The following GALNTL6 variants were observed in gnomAD, a reference collection of about 807,000 sequenced individuals.
The protein encoded by GALNTL6 is polypeptide N-acetylgalactosaminyltransferase-like 6.
Under a neutral mutation model 73.7 loss-of-function variants are expected in GALNTL6, and 46 were observed. The ratio of observed to expected loss-of-function variants is 0.62; its 90% CI spans 0.49 to 0.80. The LOEUF (loss-of-function observed/expected upper bound fraction) is 0.80, where lower values mean the gene tolerates loss of function less well. Ranked by LOEUF, GALNTL6 falls within the 30% of genes least tolerant of loss-of-function variation. The probability of loss-of-function intolerance (pLI) is 0.00; values close to 1 mark genes in which losing one functional copy is unlikely to be tolerated. For missense variants in GALNTL6, 604 were observed against 755.0 expected (o/e 0.80, Z 2.34); for synonymous variants, 259 against 263.7 (o/e 0.98, Z 0.17).
intron 2 of GALNTL6, among the ~76,000 whole-genome samples, chr4:172,132,821 C>T (rs941927619): frequency 1.3e-5 from 2 of 152,162 alleles, no homozygotes; most frequent in East Asian, 3.8e-4. Context: ...GAATCTATCT[C>T]TCATAATATT....
At chr4:172,811,605 C>T (rs1484714618) in intron 6 of GALNTL6, among the ~76,000 whole-genome samples, 5 of 151,996 alleles carry the variant, frequency 3.3e-5, no homozygotes, top group Admixed American at 6.6e-5. Context: ...TAAGGCTTGC[C>T]CTGGTAAAAA....
Position 171,975,909 on chromosome 4 carries a change from T to C in GALNTL6, c.138+161191T>C, listed in dbSNP as rs146838007. 5.2e-3 allele frequency among the ~76,000 whole-genome samples: 790 copies of C among 150,878 alleles called. 8 individuals carry two copies. Among genetic ancestry groups the C allele is most frequent in the African/African-American group, 0.014 (580 of 41,492 alleles). On this transcript the variant is annotated intron_variant, in intron 2 of 12. Transcript: ENST00000506823. ...CAATTGACTTCATGCACAAAATGTA[T>C]GTGGAGTATATACAAGCGGCATTTT...
chr4:172,571,554 G>A (rs76932161), intron 5 of GALNTL6, among the ~76,000 whole-genome samples: 1,741 of 152,224 alleles, frequency 0.011, 27 homozygotes, highest in African/African-American at 0.039. Context: ...ACTATCGAAC[G>A]TATCAGAGGA....
intron 3 of GALNTL6, among the ~76,000 whole-genome samples, chr4:172,253,916 T>A (rs1196174433): frequency 6.6e-6 from 1 of 151,800 alleles, no homozygotes; most frequent in African/African-American, 2.4e-5. Flanking sequence ...GAAGAGCCCT[T>A]TAATTATTTG....
At chr4:172,424,097 T>C (rs1387914222) in intron 5 of GALNTL6, among the ~76,000 whole-genome samples, 1 of 152,110 alleles carries the variant, frequency 6.6e-6, no homozygotes, top group African/African-American at 2.4e-5. Flanking sequence ...TGTATATATA[T>C]ATGTCCAAAC....
intron 2 of GALNTL6, among the ~76,000 whole-genome samples, chr4:172,099,005 G>C (rs1447498871): frequency 6.6e-6 from 1 of 152,096 alleles, no homozygotes. Flanking sequence ...TTTATTGAGG[G>C]AATTTGGTCA....
At chr4:172,096,789 G>A (rs1226748902) in intron 2 of GALNTL6, among the ~76,000 whole-genome samples, 1 of 152,104 alleles carries the variant, frequency 6.6e-6, no homozygotes, top group Non-Finnish European at 1.5e-5. Context: ...TAACTGATAT[G>A]GATATCCTCT....
In GALNTL6 at chr4:171,906,587, C is replaced by T. The variant is rs185070806; in HGVS notation, c.138+91869C>T. ...GGTACAAGGAGGAACTGGTGCCATT[C>T]GTTCTGAAACTATTCCAATCAATAG... On this transcript the variant is annotated intron_variant, in intron 2 of 12. Transcript: ENST00000506823. Among the ~76,000 whole-genome samples the T allele has an allele frequency of 6.8e-4, 104 of 152,266 alleles. No individual in the cohort carries two copies. In the East Asian group the frequency reaches 9.5e-3, roughly 14 times the overall value.
chr4:172,487,239 CTT>C (rs1273780176), intron 5 of GALNTL6, among the ~76,000 whole-genome samples: 1 of 149,554 alleles, frequency 6.7e-6, no homozygotes, highest in African/African-American at 2.5e-5. Context: ...TCCTTCCTGT[CTT>C]TCTTTCTTTC....
intron 7 of GALNTL6, among the ~76,000 whole-genome samples, chr4:172,855,768 C>A (rs1744092684): frequency 6.6e-6 from 1 of 152,210 alleles, no homozygotes; most frequent in Non-Finnish European, 1.5e-5. Context: ...TTTTGCACAG[C>A]TGTTTCCCGA....
intron 7 of GALNTL6, among the ~76,000 whole-genome samples, chr4:172,868,480 T>C (rs946802424): frequency 6.6e-6 from 1 of 152,248 alleles, no homozygotes; most frequent in Non-Finnish European, 1.5e-5. Context: ...TCTGCCTTTT[T>C]ATAACAGAGA....
intron 5 of GALNTL6, among the ~76,000 whole-genome samples, chr4:172,670,500 G>C (rs1731915202): frequency 6.6e-6 from 1 of 151,816 alleles, no homozygotes; most frequent in South Asian, 2.1e-4. Flanking sequence ...GGTGTTGTTT[G>C]TTTTTTTCCT....
intron 5 of GALNTL6, among the ~76,000 whole-genome samples, chr4:172,501,056 G>A (rs1395411584): frequency 6.6e-6 from 1 of 152,188 alleles, no homozygotes; most frequent in East Asian, 1.9e-4. Flanking sequence ...CTACACATGT[G>A]ATAAAATTGG....
intron 5 of GALNTL6, among the ~76,000 whole-genome samples, chr4:172,556,288 T>C (rs750836637): frequency 4.4e-4 from 67 of 151,950 alleles, no homozygotes; most frequent in Non-Finnish European, 6.6e-4. Flanking sequence ...TGTTTATGGG[T>C]CCATGATAAT....
At chr4:173,037,169 T>C (rs1753730800) in intron 12 of GALNTL6, among the ~76,000 whole-genome samples, 1 of 152,190 alleles carries the variant, frequency 6.6e-6, no homozygotes, top group African/African-American at 2.4e-5. Context: ...TGAGCAGAGC[T>C]CTGTCTCCAA....
At chr4:172,521,597 CAAT>C (rs1034558713) in intron 5 of GALNTL6, among the ~76,000 whole-genome samples, 1 of 152,082 alleles carries the variant, frequency 6.6e-6, no homozygotes, top group Non-Finnish European at 1.5e-5. Flanking sequence ...ATGGGCAAGA[CAAT>C]AAGTAAGACA....
chr4:172,243,334 C>T (rs1323149145), intron 3 of GALNTL6, among the ~76,000 whole-genome samples: 3 of 152,148 alleles, frequency 2.0e-5, no homozygotes, highest in Non-Finnish European at 4.4e-5. Context: ...CTTTTATTCA[C>T]TCTCTGTCCT....
intron 2 of GALNTL6, among the ~76,000 whole-genome samples, chr4:171,996,667 GA>G (rs1426596142): frequency 6.7e-6 from 1 of 148,206 alleles, no homozygotes. Context: ...GGCCACATTC[GA>G]GGAAGAAACA....
At position 171,846,523 on chromosome 4, in the gene GALNTL6, A is replaced by C. The variant is rs532743187; in HGVS notation, c.138+31805A>C. ...TTTCAATTGTAGCATCTGTTGGTGGAGTGGCCTCAGTTAAGTCACTTAACA... is the reference window on the plus strand; with the variant it reads ...TTTCAATTGTAGCATCTGTTGGTGGCGTGGCCTCAGTTAAGTCACTTAACA... On this transcript the variant is annotated intron_variant, in intron 2 of 12. Coordinates refer to ENST00000506823, the MANE Select transcript of GALNTL6 (RefSeq NM_001034845.3). Among the ~76,000 whole-genome samples, 3 of 152,134 alleles carry C rather than the reference A, an allele frequency of 2.0e-5. No homozygotes were observed. The South Asian group carries it at 6.2e-4, about 32-fold the overall frequency.
Sources: gnomAD v4.1 joint callset for allele counts (sites outside exome capture counted in the v4.1 genomes callset) on GRCh38, gnomAD v4.1.1 for gene constraint, MANE v1.5 for transcripts, NCBI Gene and HGNC (gene_info 2026-07-23, HGNC 2026-07-21) for gene names.